The following SLC28A3 variants were observed in gnomAD, a reference collection of about 807,000 sequenced individuals.
SLC28A3 encodes concentrative Na(+)-nucleoside cotransporter 3.
SLC28A3 carries 68 observed loss-of-function variants against 84.2 expected under a neutral mutation model. The ratio of observed to expected loss-of-function variants is 0.81; its 90% CI spans 0.66 to 0.99. The LOEUF (loss-of-function observed/expected upper bound fraction) is 0.99. Ranked by LOEUF, SLC28A3 falls within the 50% of genes least tolerant of loss-of-function variation. The pLI, the probability that SLC28A3 is intolerant of heterozygous loss-of-function variation, is 0.00. For missense variants in SLC28A3, 712 were observed against 841.5 expected (o/e 0.85, Z 1.90); for synonymous variants, 267 against 303.6 (o/e 0.88, Z 1.25).
the SLC28A3 span, among the ~76,000 whole-genome samples, chr9:84,349,263 A>G: frequency 1.3e-5 from 2 of 152,222 alleles, no homozygotes; most frequent in African/African-American, 4.8e-5. Flanking sequence ...GCTTCAGGCC[A>G]TCTGGATGTA....
chr9:84,357,636 G>T, the SLC28A3 span, among the ~76,000 whole-genome samples: 1 of 152,038 alleles, frequency 6.6e-6, no homozygotes, highest in Non-Finnish European at 1.5e-5. Flanking sequence ...AGCAAGAGAT[G>T]GGGTGAGCCC....
intron 1 of SLC28A3, among the ~76,000 whole-genome samples, chr9:84,338,673 C>A (rs975806730): frequency 1.6e-4 from 24 of 152,160 alleles, no homozygotes; most frequent in Admixed American, 6.5e-4. Context: ...GTGACATGGA[C>A]CTTCTCTATT....
At position 84,279,360 on chromosome 9, in the gene SLC28A3, G is replaced by A. The variant is rs775415186; in HGVS notation, c.1854C>T (p.Asp618=). The A allele has an allele frequency of 3.1e-6, 5 of 1,610,566 alleles. No individual in the cohort carries two copies. Among genetic ancestry groups the A allele is most frequent in the South Asian group, 1.1e-5 (1 of 90,474 alleles). The part of the protein sequence containing the change: ...IAGILSSTPV[D]INCHHVLENA... ...TCTCTAAAACGTGATGGCAGTTGATGTCCACAGGAGTGCTGGAGAGTATGC... is the reference window on the plus strand; with the variant it reads ...TCTCTAAAACGTGATGGCAGTTGATATCCACAGGAGTGCTGGAGAGTATGC... Residue 618 remains aspartate (D), a synonymous_variant, in exon 17 of 18, where the codon GAC becomes GAT. Coordinates refer to ENST00000376238, the MANE Select transcript of SLC28A3 (RefSeq NM_001199633.2).
chr9:84,366,126 C>T, the SLC28A3 span, among the ~76,000 whole-genome samples: 1 of 152,076 alleles, frequency 6.6e-6, no homozygotes, highest in Non-Finnish European at 1.5e-5. Flanking sequence ...TTCAAACAGC[C>T]TGGCTTCAAG....
chr9:84,320,099 G>GAGT (rs78896844), intron 1 of SLC28A3, among the ~76,000 whole-genome samples: 14,225 of 135,422 alleles, frequency 0.11, 784 homozygotes, highest in Admixed American at 0.13. Context: ...GCCTAGGCTG[G>GAGT]AGTGCAGTGG....
intron 1 of SLC28A3, among the ~76,000 whole-genome samples, chr9:84,329,308 A>G (rs954271314): frequency 2.0e-5 from 3 of 152,214 alleles, no homozygotes; most frequent in Admixed American, 1.3e-4. Context: ...TAATGACTAG[A>G]ACTAGAGAGA....
At chr9:84,285,280 T>A (rs1406458694) in intron 14 of SLC28A3, 65 bp downstream of exon 14, 22 of 1,498,970 alleles carry the variant, frequency 1.5e-5, no homozygotes, top group Non-Finnish European at 2.0e-5. Context: ...CACAGAGGCA[T>A]AAGTAATAGA....
At chr9:84,351,272 C>A in the SLC28A3 span, among the ~76,000 whole-genome samples, 1 of 152,158 alleles carries the variant, frequency 6.6e-6, no homozygotes, top group East Asian at 1.9e-4. Flanking sequence ...CCATTATAAT[C>A]TTATGAGACT....
At position 84,279,257 on chromosome 9, in the gene SLC28A3, T is replaced by C. The variant is rs1460785240; in HGVS notation, c.1949+8A>G. 5 of 1,603,304 alleles carry C rather than the reference T, an allele frequency of 3.1e-6. No individual in the cohort carries two copies. The highest frequency in any genetic ancestry group is 4.3e-6 in the Non-Finnish European group (5 of 1,175,752). ...AGTATAAAGAAATTATAATCAAGAA[T>C]ACAATACCTGCTCAACAGACTTTGG... On this transcript the variant is annotated splice_region_variant and intron_variant, in intron 17 of 17. Coordinates refer to ENST00000376238, the MANE Select transcript of SLC28A3 (RefSeq NM_001199633.2).
Position 84,281,850 on chromosome 9 carries a change from G to T in SLC28A3, c.1648-968C>A, listed in dbSNP as rs141046674. Among the ~76,000 whole-genome samples, 268 of 152,368 alleles carry T rather than the reference G, an allele frequency of 1.8e-3. 1 individual carries two copies. The highest frequency in any genetic ancestry group is 6.0e-3 in the African/African-American group (250 of 41,584). ...CATGTATATGAAATTCTAGGGCTGGGTGCGGTGGCTCACGCCTGTAATCCC... is the reference window on the plus strand; with the variant it reads ...CATGTATATGAAATTCTAGGGCTGGTTGCGGTGGCTCACGCCTGTAATCCC... On this transcript the variant is annotated intron_variant, in intron 14 of 17. Coordinates refer to ENST00000376238, the MANE Select transcript of SLC28A3 (RefSeq NM_001199633.2).
At chr9:84,351,640 A>G in the SLC28A3 span, among the ~76,000 whole-genome samples, 2 of 151,950 alleles carry the variant, frequency 1.3e-5, no homozygotes, top group African/African-American at 4.8e-5. Flanking sequence ...AGCCTGGATG[A>G]CAGAGTGAGA....
rs774381992 is a variant in SLC28A3, at chr9:84,294,195, C to T, written c.942G>A (p.Lys314=). 1 of 1,613,928 alleles carries T rather than the reference C, an allele frequency of 6.2e-7. No homozygotes were observed. Among genetic ancestry groups the T allele is most frequent in the Middle Eastern group, 1.7e-4 (1 of 6,060 alleles). ...ACCCAGTCCCTCCCAGCCCCAGTAC[C>T]TTTCTAATAATCCACTGCATCAGTC... ...YLGLMQWIIR[K]VGWIMLVTTG... is the part of the protein sequence containing the mutation. Residue 314 remains lysine, a splice_region_variant and synonymous_variant, in exon 9 of 18, where the codon AAG becomes AAA. Coordinates refer to ENST00000376238, the MANE Select transcript of SLC28A3 (RefSeq NM_001199633.2).
intron 1 of SLC28A3, among the ~76,000 whole-genome samples, chr9:84,340,244 C>T (rs1231350827): frequency 1.3e-5 from 2 of 152,132 alleles, no homozygotes; most frequent in Non-Finnish European, 2.9e-5. Context: ...CTAAATTCCC[C>T]CATTTTTCCC....
the SLC28A3 span, among the ~76,000 whole-genome samples, chr9:84,357,252 C>G: frequency 1.3e-5 from 2 of 152,156 alleles, no homozygotes; most frequent in East Asian, 3.9e-4. Flanking sequence ...AGCTTGATTT[C>G]ACAATCTTCA....
chr9:84,366,055 C>T, the SLC28A3 span, among the ~76,000 whole-genome samples: 1 of 150,476 alleles, frequency 6.6e-6, no homozygotes, highest in African/African-American at 2.5e-5. Flanking sequence ...CATCTCAAAA[C>T]AAAAAAACAA....
At chr9:84,296,912 G>A (rs1825435979) in intron 8 of SLC28A3, among the ~76,000 whole-genome samples, 1 of 152,296 alleles carries the variant, frequency 6.6e-6, no homozygotes, top group South Asian at 2.1e-4. Flanking sequence ...GAAGGCCGAA[G>A]GTGCTATTAC....
intron 11 of SLC28A3, among the ~76,000 whole-genome samples, chr9:84,288,564 T>C (rs1329199379): frequency 6.6e-6 from 1 of 151,990 alleles, no homozygotes; most frequent in Non-Finnish European, 1.5e-5. Context: ...ACTTTTTTTT[T>C]TTTGAGATGG....
chr9:84,299,519 T>G, intron 6 of SLC28A3, 62 bp downstream of exon 6: 4 of 1,590,380 alleles, frequency 2.5e-6, no homozygotes, highest in Non-Finnish European at 3.4e-6. Flanking sequence ...ATCAGTATTT[T>G]GAGCAATTTA....
At position 84,311,900 on chromosome 9, in the gene SLC28A3, C is replaced by T. The variant is rs1826001098; in HGVS notation, c.156+1459G>A. ...ACTTCTTATTTGTCCCTACCACCCC[C>T]TGATGCCTTGAAAGCACTATTTACT... On this transcript the variant is annotated intron_variant, in intron 2 of 17. Transcript: ENST00000376238. Among the ~76,000 whole-genome samples the T allele has an allele frequency of 1.3e-5, 2 of 152,156 alleles. 1 individual carries two copies. Among genetic ancestry groups the T allele is most frequent in the South Asian group, 4.1e-4 (2 of 4,828 alleles).
Sources: allele counts gnomAD v4.1 joint callset (sites outside exome capture counted in the v4.1 genomes callset), GRCh38; gene constraint gnomAD v4.1.1; transcripts MANE v1.5; gene names NCBI Gene and HGNC (gene_info 2026-07-23, HGNC 2026-07-21).